The following LRP1B variants were observed in gnomAD, a reference collection of about 807,000 sequenced individuals.
LRP1B encodes low-density lipoprotein receptor-related protein 1B.
Under a neutral mutation model 556.6 loss-of-function variants are expected in LRP1B, and 217 were observed. The ratio of observed to expected loss-of-function variants is 0.39; its 90% CI spans 0.35 to 0.44. The LOEUF (loss-of-function observed/expected upper bound fraction) is 0.44. Among genes scored for constraint, LRP1B ranks in the 20% least tolerant of loss-of-function variants. The pLI is 1.00. For missense variants in LRP1B, 5,053 were observed against 5,620.8 expected (o/e 0.90, Z 3.23); for synonymous variants, 2,047 against 1,865.8 (o/e 1.10, Z -2.50).
rs147157189 is a variant in LRP1B at position 140,777,751 on chromosome 2, A to G, written c.5360-1513T>C. ...GAGATTCTAGTACATATACCCCTCA[A>G]GAAAGTAAAAGATGCTGTAAAAAAT... On this transcript the variant is annotated intron_variant, in intron 32 of 90. Coordinates refer to ENST00000389484, the MANE Select transcript of LRP1B (RefSeq NM_018557.3). Among the ~76,000 whole-genome samples the G allele has an allele frequency of 6.5e-4, 99 of 152,290 alleles. 1 individual carries two copies. In the East Asian group the frequency reaches 0.018, roughly 27 times the overall value.
At chr2:140,638,901 A>AT (rs1191941788) in intron 41 of LRP1B, among the ~76,000 whole-genome samples, 1 of 151,826 alleles carries the variant, frequency 6.6e-6, no homozygotes, top group African/African-American at 2.4e-5. Flanking sequence ...AATATGAACA[A>AT]TTTATATATA....
chr2:141,295,021 A>G (rs1686127876), intron 3 of LRP1B, among the ~76,000 whole-genome samples: 1 of 152,124 alleles, frequency 6.6e-6, no homozygotes, highest in African/African-American at 2.4e-5. Context: ...TTTTCAAAGT[A>G]GCAAAAATAT....
intron 1 of LRP1B, among the ~76,000 whole-genome samples, chr2:142,104,599 G>C (rs1706682827): frequency 1.3e-5 from 2 of 151,976 alleles, no homozygotes; most frequent in Non-Finnish European, 2.9e-5. Flanking sequence ...GTATTTTTTT[G>C]ACATTCTGCT....
At chr2:140,275,077 A>C (rs35958180) in intron 84 of LRP1B, among the ~76,000 whole-genome samples, 54,189 of 151,934 alleles carry the variant, frequency 0.36, 11,189 homozygotes, top group Non-Finnish European at 0.48. Flanking sequence ...CTATATGAGT[A>C]AGCCACAAAC....
In LRP1B at chr2:140,849,199, A is replaced by AG. The variant is rs1274825943; in HGVS notation, c.4939+902_4939+903insC. ...CTGAAACCCTGTATCTACTAAAAAT[A>AG]CAAAAAAAAAAAAAAAAAAAAAAAA... On this transcript the variant is annotated intron_variant, in intron 29 of 90. Transcript: ENST00000389484. Among the ~76,000 whole-genome samples, 77 of 43,890 alleles carry AG rather than the reference A, an allele frequency of 1.8e-3. 1 individual carries two copies. The highest frequency in any genetic ancestry group is 5.1e-3 in the African/African-American group (72 of 14,206). The allele number at this position is 43,890 out of a possible 152,430, so 28.8% of individuals were successfully genotyped here.
At chr2:141,130,433 A>G (rs1486289196) in intron 7 of LRP1B, among the ~76,000 whole-genome samples, 1 of 152,154 alleles carries the variant, frequency 6.6e-6, no homozygotes, top group Non-Finnish European at 1.5e-5. Context: ...GACATTTGAC[A>G]TGAGTATAGA....
chr2:141,629,611 A>G (rs1248937647), intron 2 of LRP1B, among the ~76,000 whole-genome samples: 1 of 152,174 alleles, frequency 6.6e-6, no homozygotes, highest in Non-Finnish European at 1.5e-5. Flanking sequence ...TCTGAGTGAT[A>G]CTTGCCCTGA....
At chr2:141,956,790 CA>C (rs2105045680) in intron 1 of LRP1B, among the ~76,000 whole-genome samples, 1 of 152,042 alleles carries the variant, frequency 6.6e-6, no homozygotes, top group Non-Finnish European at 1.5e-5. Flanking sequence ...AAATATTGTC[CA>C]AAGAATGAGT....
At chr2:140,858,623 G>T (rs966084586) in intron 27 of LRP1B, among the ~76,000 whole-genome samples, 1 of 151,668 alleles carries the variant, frequency 6.6e-6, no homozygotes, top group Non-Finnish European at 1.5e-5. Flanking sequence ...GGATGTGCAG[G>T]TTTGTTACAT....
chr2:141,249,463 G>A (rs1328850822), intron 4 of LRP1B, among the ~76,000 whole-genome samples: 1 of 152,146 alleles, frequency 6.6e-6, no homozygotes, highest in Non-Finnish European at 1.5e-5. Flanking sequence ...CAGGCATGGT[G>A]GTGTACACTT....
At chr2:140,926,050 G>A (rs997861061) in intron 20 of LRP1B, among the ~76,000 whole-genome samples, 2 of 83,928 alleles carry the variant, frequency 2.4e-5, no homozygotes, top group Non-Finnish European at 2.6e-5. Context: ...TTTACCTGGA[G>A]ATTTTCTTTT....
chr2:141,068,037 A>G (rs919804341), intron 7 of LRP1B, among the ~76,000 whole-genome samples: 3 of 152,024 alleles, frequency 2.0e-5, no homozygotes, highest in African/African-American at 4.8e-5. Flanking sequence ...CTCAGAAAAG[A>G]AATCTCTATT....
intron 31 of LRP1B, among the ~76,000 whole-genome samples, chr2:140,832,483 CA>C (rs1691750659): frequency 6.6e-6 from 1 of 152,056 alleles, no homozygotes; most frequent in Admixed American, 6.6e-5. Context: ...ACACTATTTA[CA>C]ATAATCATAA....
chr2:141,550,264 G>A (rs1214517207), intron 2 of LRP1B, among the ~76,000 whole-genome samples: 6 of 152,070 alleles, frequency 3.9e-5, no homozygotes, highest in African/African-American at 1.4e-4. Flanking sequence ...AGAAGAAAAA[G>A]CACAAAGAAG....
chr2:140,241,867 T>G (rs1052737894), intron 87 of LRP1B, among the ~76,000 whole-genome samples: 5 of 151,042 alleles, frequency 3.3e-5, no homozygotes, highest in Non-Finnish European at 7.4e-5. Flanking sequence ...GCAGGTCATG[T>G]TTTAACAGTA....
chr2:142,025,455 A>G (rs1703473034), intron 1 of LRP1B, among the ~76,000 whole-genome samples: 1 of 152,166 alleles, frequency 6.6e-6, no homozygotes, highest in African/African-American at 2.4e-5. Flanking sequence ...GGTATTTTAC[A>G]AAGCCAGAAA....
chr2:141,896,412 G>A (rs1422933410), intron 1 of LRP1B, among the ~76,000 whole-genome samples: 1 of 152,118 alleles, frequency 6.6e-6, no homozygotes, highest in African/African-American at 2.4e-5. Flanking sequence ...AAATGATGCT[G>A]TTTACATGAA....
chr2:141,137,501 G>T (rs999113862), intron 7 of LRP1B, among the ~76,000 whole-genome samples: 1 of 151,848 alleles, frequency 6.6e-6, no homozygotes, highest in Non-Finnish European at 1.5e-5. Context: ...GGAAAGAAAA[G>T]GCTACAAAAT....
At chr2:141,355,265 G>C (rs1002123051) in intron 3 of LRP1B, among the ~76,000 whole-genome samples, 2 of 151,402 alleles carry the variant, frequency 1.3e-5, no homozygotes, top group African/African-American at 4.9e-5. Context: ...AAATGTAACA[G>C]TCCTTTTTTA....
Sources: gnomAD v4.1 joint callset for allele counts (sites outside exome capture counted in the v4.1 genomes callset) on GRCh38, gnomAD v4.1.1 for gene constraint, MANE v1.5 for transcripts, NCBI Gene and HGNC (gene_info 2026-07-23, HGNC 2026-07-21) for gene names.